The following ESRRB variants were observed in gnomAD, a reference collection of about 807,000 sequenced individuals.
The protein encoded by ESRRB is estrogen related receptor beta, also known as steroid hormone receptor ERR2.
A neutral mutation model predicts 46.0 loss-of-function variants in ESRRB; 16 were observed. That is an observed-to-expected ratio of 0.35 (90% CI 0.24 to 0.53). The LOEUF (loss-of-function observed/expected upper bound fraction) is 0.53. Ranked by LOEUF, ESRRB falls within the 20% of genes least tolerant of loss-of-function variation. The pLI is 0.93. For synonymous variants in ESRRB, 246 were observed against 259.6 expected (o/e 0.95, Z 0.50); for missense variants, 488 against 607.4 (o/e 0.80, Z 2.07).
intron 3 of ESRRB, chr14:76,463,445 G>GTTTTGTTTTTGTTTTTTTTTT (rs1555342250): frequency 8.7e-6 from 1 of 114,738 alleles, no homozygotes; most frequent in African/African-American, 3.7e-5. Context: ...ATGCTTCTTT[G>GTTTTGTTTTTGTTTTTTTTTT]TTTTTTTTTT....
intron 1 of ESRRB, among the ~76,000 whole-genome samples, chr14:76,361,859 G>C (rs989016072): frequency 6.6e-6 from 1 of 152,224 alleles, no homozygotes; most frequent in African/African-American, 2.4e-5. Flanking sequence ...TGGGCTCTCA[G>C]GTGCCGTGCT....
chr14:76,328,854 TC>T (rs1260151432), intron 1 of ESRRB, among the ~76,000 whole-genome samples: 1 of 152,142 alleles, frequency 6.6e-6, no homozygotes, highest in Non-Finnish European at 1.5e-5. Flanking sequence ...CTGTCTTCCC[TC>T]CAGGACTGAG....
chr14:76,468,179 G>C (rs1889203027), intron 3 of ESRRB, among the ~76,000 whole-genome samples: 1 of 152,162 alleles, frequency 6.6e-6, no homozygotes. Flanking sequence ...TCTAGCCCAT[G>C]CCAGAAATAT....
intron 6 of ESRRB, among the ~76,000 whole-genome samples, chr14:76,494,437 G>T (rs1890345232): frequency 6.6e-6 from 1 of 151,680 alleles, no homozygotes; most frequent in Non-Finnish European, 1.5e-5. Flanking sequence ...CTCCTTAGTA[G>T]CTGGGATTAC....
intron 1 of ESRRB, among the ~76,000 whole-genome samples, chr14:76,325,867 G>GTGTC (rs1332431800): frequency 6.6e-6 from 1 of 152,210 alleles, no homozygotes; most frequent in Non-Finnish European, 1.5e-5. Flanking sequence ...AAGGGCTTGA[G>GTGTC]TGTCTCCCTG....
At chr14:76,367,556 C>CAA (rs550594147), upstream of ESRRB, among the ~76,000 whole-genome samples, 51 of 103,480 alleles carry the variant, frequency 4.9e-4, 1 homozygote, top group African/African-American at 1.5e-3. Flanking sequence ...GATCCTGTCT[C>CAA]AAAAAAAAAA....
At chr14:76,358,405 A>AAGAAAGAAAGAAAGAAAGAAAGAT (rs1566859729) in intron 1 of ESRRB, among the ~76,000 whole-genome samples, 3 of 140,392 alleles carry the variant, frequency 2.1e-5, no homozygotes, top group Non-Finnish European at 4.6e-5. Context: ...GAAAGAAAGA[A>AAGAAAGAAAGAAAGAAAGAAAGAT]AGAAAGAAAA....
Position 76,499,487 on chromosome 14 carries a change from G to A in ESRRB, c.*1029G>A, listed in dbSNP as rs1279792950. 2.7e-6 allele frequency: 1 copy of A among 371,420 alleles called. No individual in the cohort carries two copies. The highest frequency in any genetic ancestry group is 2.3e-5 in the South Asian group (1 of 42,658). The allele number at this position is 371,420 out of a possible 1,614,324, so 23.0% of individuals were successfully genotyped here. On this transcript the variant is annotated 3_prime_UTR_variant, in exon 7 of 7. Coordinates refer to ENST00000644823, the MANE Select transcript of ESRRB (RefSeq NM_001379180.1). Reference sequence around the variant, plus strand: ...GCAGCTGAGATAAGTAGGCAGGGGAGCCCCAAAGGGAGGGAACTCAGCGGG... The same window carrying A: ...GCAGCTGAGATAAGTAGGCAGGGGAACCCCAAAGGGAGGGAACTCAGCGGG...
At chr14:76,390,397 G>A (rs892544078) in intron 1 of ESRRB, among the ~76,000 whole-genome samples, 1 of 152,132 alleles carries the variant, frequency 6.6e-6, no homozygotes, top group Non-Finnish European at 1.5e-5. Context: ...GCTGAGGCAG[G>A]AGGATCACTT....
chr14:76,478,533 T>C (rs903341847), intron 3 of ESRRB, among the ~76,000 whole-genome samples: 5 of 151,900 alleles, frequency 3.3e-5, no homozygotes, highest in Non-Finnish European at 7.4e-5. Context: ...CAGTGGTATC[T>C]AGGAGAGAAG....
intron 5 of ESRRB, among the ~76,000 whole-genome samples, chr14:76,489,273 C>T (rs575988510): frequency 3.3e-5 from 5 of 152,150 alleles, no homozygotes; most frequent in East Asian, 1.9e-4. Context: ...ACACACTCTC[C>T]GGTGCTGGCT....
At chr14:76,420,126 C>T (rs1054300397) in intron 1 of ESRRB, among the ~76,000 whole-genome samples, 4 of 152,112 alleles carry the variant, frequency 2.6e-5, no homozygotes, top group African/African-American at 7.2e-5. Context: ...CCTTGAGTTA[C>T]CTGTGAAACC....
At chr14:76,471,660 T>G (rs1332593560) in intron 3 of ESRRB, among the ~76,000 whole-genome samples, 2 of 152,236 alleles carry the variant, frequency 1.3e-5, no homozygotes, top group Non-Finnish European at 2.9e-5. Flanking sequence ...TCAAGTTAAA[T>G]GTTATCTTCT....
chr14:76,322,236 G>A (rs8012927), intron 1 of ESRRB, among the ~76,000 whole-genome samples: 83 of 152,204 alleles, frequency 5.5e-4, no homozygotes, highest in Non-Finnish European at 5.0e-4. Flanking sequence ...ACACAGACAC[G>A]TCTGCCAGGT....
intron 2 of ESRRB, 126 bp downstream of exon 2, chr14:76,439,876 T>C (rs963817204): frequency 8.8e-5 from 91 of 1,037,910 alleles, no homozygotes; most frequent in Non-Finnish European, 1.2e-4. Context: ...GCGGTACTTC[T>C]GTGGGGCGCC....
chr14:76,405,106 T>C (rs1332449116), intron 1 of ESRRB, among the ~76,000 whole-genome samples: 1 of 152,102 alleles, frequency 6.6e-6, no homozygotes, highest in African/African-American at 2.4e-5. Flanking sequence ...TCTTTGTTTG[T>C]TTGATTGTTT....
intron 1 of ESRRB, among the ~76,000 whole-genome samples, chr14:76,393,919 G>C (rs1410009781): frequency 6.6e-6 from 1 of 151,448 alleles, no homozygotes; most frequent in East Asian, 1.9e-4. Context: ...TCCTGCCTCA[G>C]CCTCCCAAGT....
chr14:76,387,100 G>A (rs770346824), intron 1 of ESRRB, among the ~76,000 whole-genome samples: 18 of 152,144 alleles, frequency 1.2e-4, no homozygotes, highest in Non-Finnish European at 2.4e-4. Flanking sequence ...TCTCCCAGGA[G>A]GCTGAGGGGA....
intron 1 of ESRRB, among the ~76,000 whole-genome samples, chr14:76,380,899 C>T (rs1884984097): frequency 1.3e-5 from 2 of 152,226 alleles, no homozygotes; most frequent in South Asian, 2.1e-4. Context: ...CCAAATCTGG[C>T]CCGGAATCTT....
Sources: gnomAD v4.1 joint callset for allele counts (sites outside exome capture counted in the v4.1 genomes callset) on GRCh38, gnomAD v4.1.1 for gene constraint, MANE v1.5 for transcripts, NCBI Gene and HGNC (gene_info 2026-07-23, HGNC 2026-07-21) for gene names.